SYT3: variants seen among roughly 807,000 people sequenced by gnomAD.
The protein encoded by SYT3 is synaptotagmin 3, also known as synaptotagmin-3.
Under a neutral mutation model 50.6 loss-of-function variants are expected in SYT3, and 25 were observed. The ratio of observed to expected loss-of-function variants is 0.49; its 90% CI spans 0.36 to 0.69. The LOEUF (loss-of-function observed/expected upper bound fraction) is 0.69, where lower values mean the gene tolerates loss of function less well. SYT3 is among the 30% of genes least tolerant of loss of function. The probability of loss-of-function intolerance (pLI) is 0.00; values close to 1 mark genes in which losing one functional copy is unlikely to be tolerated. For missense variants in SYT3, 589 were observed against 793.6 expected (o/e 0.74, Z 3.10); for synonymous variants, 323 against 353.9 (o/e 0.91, Z 0.98).
upstream of SYT3, among the ~76,000 whole-genome samples, chr19:50,643,628 A>G (rs1011065099): frequency 6.6e-6 from 1 of 152,142 alleles, no homozygotes; most frequent in African/African-American, 2.4e-5. Flanking sequence ...GGAGACAGAG[A>G]TAGAATCTTC....
chr19:50,648,133 T>A, the SYT3 span, among the ~76,000 whole-genome samples: 1 of 152,114 alleles, frequency 6.6e-6, no homozygotes, highest in Admixed American at 6.5e-5. Context: ...CCTCGTGTTG[T>A]CTTTGCTCTC....
At chr19:50,642,062 C>T (rs1317121231), upstream of SYT3, among the ~76,000 whole-genome samples, 1 of 152,184 alleles carries the variant, frequency 6.6e-6, no homozygotes, top group Non-Finnish European at 1.5e-5. Context: ...CCACAGAACC[C>T]CCAGAAATGC....
Position 50,629,928 on chromosome 19 carries a change from G to A in SYT3, c.918C>T (p.Ala306=), listed in dbSNP as rs1984232511. The change falls in exon 5 of 11, where the codon GCC becomes GCT. Residue 306 remains alanine (A), a synonymous_variant. Transcript: ENST00000600079. ...GGTCCGAGCCATAGAGGTACCGCAG[G>A]GCGAAGCTGATACGGCCACAGGGTG... ...TGAPCGRISF[A]LRYLYGSDQL... 6.2e-7 allele frequency: 1 copy of A among 1,614,052 alleles called. No individual in the cohort carries two copies.
intron 3 of SYT3, among the ~76,000 whole-genome samples, chr19:50,633,022 C>A (rs1437436399): frequency 6.6e-6 from 1 of 152,192 alleles, no homozygotes; most frequent in Admixed American, 6.5e-5. Context: ...ATCTCTGTTA[C>A]TCAGGCTGGA....
chr19:50,646,923 C>T, the SYT3 span, among the ~76,000 whole-genome samples: 8 of 152,176 alleles, frequency 5.3e-5, no homozygotes, highest in South Asian at 4.2e-4. Context: ...CTCTGCTTCC[C>T]GGGCTCACGC....
chr19:50,656,955 A>G, the SYT3 span, among the ~76,000 whole-genome samples: 1 of 146,688 alleles, frequency 6.8e-6, no homozygotes, highest in Non-Finnish European at 1.5e-5. Context: ...CTGTCAAAAA[A>G]AAAAGGAAGG....
In SYT3 at chr19:50,637,546, G is replaced by A; in HGVS notation, c.-15-120C>T. ...GAGAAAAGGAAGGATGGGCAAAGGG[G>A]ACAGAGATTAGGGGCAGATGGATTA... On this transcript the variant is annotated intron_variant, in intron 2 of 10. Coordinates refer to ENST00000600079, the MANE Select transcript of SYT3 (RefSeq NM_001160329.2). This position sits in a 1 kb window ranked among gnomAD's most constrained non-coding sequence, Gnocchi z 4.9. 2 of 840,776 alleles carry A rather than the reference G, an allele frequency of 2.4e-6. No individual in the cohort carries two copies. The highest frequency in any genetic ancestry group is 2.7e-5 in the East Asian group (1 of 37,302). 52.1% of individuals were successfully genotyped at this position (840,776 alleles called of 1,614,324 possible). A position where few individuals can be genotyped will look rare whatever the true frequency, so the allele number is the denominator to read the frequency against.
chr19:50,625,904 G>GC lies in SYT3; in HGVS notation c.1394dup (p.Phe466LeufsTer34). 6.2e-7 allele frequency: 1 copy of GC among 1,613,760 alleles called. No homozygotes were observed. Among genetic ancestry groups the GC allele is most frequent in the Non-Finnish European group, 8.5e-7 (1 of 1,179,884 alleles). On this transcript the variant is annotated frameshift_variant, in exon 7 of 11. Transcript: ENST00000600079. LOFTEE classifies it high-confidence loss of function. This position sits in a 1 kb window ranked among gnomAD's most constrained non-coding sequence, Gnocchi z 7.5. The stretch of plus-strand genomic sequence containing the variant: ...CAGACCCAGGACCCTCACCTGAGAA[G>GC]CCAGTGAGGTCCATCGCTTTGAGGT...
At chr19:50,653,751 G>A in the SYT3 span, among the ~76,000 whole-genome samples, 1 of 149,316 alleles carries the variant, frequency 6.7e-6, no homozygotes, top group Non-Finnish European at 1.5e-5. Context: ...CGTTGTCTCA[G>A]TAGAAGGGTG....
At chr19:50,651,391 T>C in the SYT3 span, among the ~76,000 whole-genome samples, 1 of 152,094 alleles carries the variant, frequency 6.6e-6, no homozygotes, top group African/African-American at 2.4e-5. Flanking sequence ...ACACCTCCTC[T>C]AGAGAGCCTT....
chr19:50,626,915 C>A (rs1984092740), intron 6 of SYT3, among the ~76,000 whole-genome samples: 1 of 151,478 alleles, frequency 6.6e-6, no homozygotes, highest in African/African-American at 2.4e-5. Flanking sequence ...GAGAGAGAAA[C>A]CTAGACTCAG....
upstream of SYT3, among the ~76,000 whole-genome samples, chr19:50,642,878 T>C (rs569652497): frequency 6.6e-6 from 1 of 152,238 alleles, no homozygotes; most frequent in East Asian, 1.9e-4. Flanking sequence ...TCTCACTGGG[T>C]TATTTTGAGG....
At chr19:50,651,155 G>A in the SYT3 span, among the ~76,000 whole-genome samples, 1 of 152,200 alleles carries the variant, frequency 6.6e-6, no homozygotes, top group African/African-American at 2.4e-5. Flanking sequence ...CATGCTGGGA[G>A]AGGAGACGTG....
Position 50,629,381 on chromosome 19 carries a change from G to A in SYT3, c.1194C>T (p.Ile398=), listed in dbSNP as rs148518608. The change falls in exon 6 of 11, where the codon ATC becomes ATT. Residue 398 remains isoleucine, a synonymous_variant. Coordinates refer to ENST00000600079, the MANE Select transcript of SYT3 (RefSeq NM_001160329.2). Reference sequence around the variant, plus strand: ...GGAGGTTGTCCAGCACCACCTGGCCGATGAGGTCGTGCCGCGAGAAGCGGT... The same window carrying A: ...GGAGGTTGTCCAGCACCACCTGGCCAATGAGGTCGTGCCGCGAGAAGCGGT... ...DFDRFSRHDL[I]GQVVLDNLLE... 4.3e-5 allele frequency: 69 copies of A among 1,613,738 alleles called. No homozygotes were observed. In the African/African-American group the frequency reaches 5.7e-4, roughly 13 times the overall value.
the SYT3 span, among the ~76,000 whole-genome samples, chr19:50,656,976 G>A: frequency 1.5e-5 from 2 of 131,944 alleles, no homozygotes; most frequent in Non-Finnish European, 3.1e-5. Flanking sequence ...AAGAAAGAAA[G>A]AAAGAAGGAA....
In SYT3 at chr19:50,639,660, C is replaced by G. The variant is rs1343744983; in HGVS notation, c.-154+130G>C. On this transcript the variant is annotated intron_variant, in intron 1 of 10. Transcript: ENST00000600079. This position sits in a 1 kb window ranked among gnomAD's most constrained non-coding sequence, Gnocchi z 4.6. ...CCCCCGGGGTGGCCAGAGAGCGCTGCAGCGCTCCCACTCCCCGGCCCGAGA... is the reference window on the plus strand; with the variant it reads ...CCCCCGGGGTGGCCAGAGAGCGCTGGAGCGCTCCCACTCCCCGGCCCGAGA... 3 of 151,408 alleles carry G rather than the reference C, an allele frequency of 2.0e-5. No homozygotes were observed. The highest frequency in any genetic ancestry group is 7.3e-5 in the African/African-American group (3 of 40,992). 9.4% of individuals were successfully genotyped at this position (151,408 alleles called of 1,614,324 possible).
chr19:50,624,330 A>G (rs963010345), intron 9 of SYT3, among the ~76,000 whole-genome samples: 3 of 152,322 alleles, frequency 2.0e-5, no homozygotes. Context: ...GTTGAAAAAT[A>G]CTGAAAAATG....
chr19:50,648,854 G>A, the SYT3 span, among the ~76,000 whole-genome samples: 1 of 152,164 alleles, frequency 6.6e-6, no homozygotes, highest in Admixed American at 6.6e-5. Flanking sequence ...GGATGACAGA[G>A]GGGAGGGGGC....
rs984915976 is a variant in SYT3, at chr19:50,622,456, G to T, written c.*29C>A. On this transcript the variant is annotated 3_prime_UTR_variant, in exon 11 of 11. Coordinates refer to ENST00000600079, the MANE Select transcript of SYT3 (RefSeq NM_001160329.2). ...AAAGGATGGGGTCCTGAGGGAGCCT[G>T]GTCCGATCCCGGGCCTAGGCCAGAC... 2 of 422,390 alleles carry T rather than the reference G, an allele frequency of 4.7e-6. No homozygotes were observed. The highest frequency in any genetic ancestry group is 8.9e-6 in the Non-Finnish European group (2 of 223,884). The allele number at this position is 422,390 out of a possible 1,614,324, so 26.2% of individuals were successfully genotyped here.
Sources: gnomAD v4.1 joint callset for allele counts (sites outside exome capture counted in the v4.1 genomes callset) on GRCh38, gnomAD v4.1.1 for gene constraint, Gnocchi (gnomAD v3.1) non-coding constraint, MANE v1.5 for transcripts, NCBI Gene and HGNC (gene_info 2026-07-23, HGNC 2026-07-21) for gene names.